The following AGBL3 variants were observed in gnomAD, a reference collection of about 807,000 sequenced individuals.
AGBL3 encodes the protein AGBL carboxypeptidase 3.
Under a neutral mutation model 94.5 loss-of-function variants are expected in AGBL3, and 68 were observed. The observed-to-expected ratio is 0.72, with a 90% CI of 0.59 to 0.88. The LOEUF (loss-of-function observed/expected upper bound fraction) is 0.88. Ranked by LOEUF, AGBL3 falls within the 40% of genes least tolerant of loss-of-function variation. The pLI is 0.00. For synonymous variants in AGBL3, 354 were observed against 370.7 expected, an observed-to-expected ratio of 0.95 and a Z score of 0.52; for missense variants, 934 against 1,103.8, an observed-to-expected ratio of 0.85 and a Z score of 2.18.
chr7:135,038,732 C>T (rs10225105), intron 8 of AGBL3, among the ~76,000 whole-genome samples: 1,812 of 152,188 alleles, frequency 0.012, 41 homozygotes, highest in African/African-American at 0.04. Context: ...GAGCCCGAGG[C>T]GGGTGGATCA....
chr7:135,056,005 T>A (rs1818317505), intron 11 of AGBL3, among the ~76,000 whole-genome samples: 1 of 152,132 alleles, frequency 6.6e-6, no homozygotes, highest in Admixed American at 6.6e-5. Flanking sequence ...ACTGTGTCTT[T>A]CAAGAAGCTG....
intron 12 of AGBL3, among the ~76,000 whole-genome samples, chr7:135,068,877 A>G (rs541406836): frequency 6.6e-6 from 1 of 152,212 alleles, no homozygotes; most frequent in African/African-American, 2.4e-5. Flanking sequence ...AAATTCACAC[A>G]TAACAATATT....
intron 16 of AGBL3, among the ~76,000 whole-genome samples, chr7:135,124,625 T>TA (rs1409141350): frequency 6.6e-6 from 1 of 152,210 alleles, no homozygotes; most frequent in Non-Finnish European, 1.5e-5. Flanking sequence ...GCACTTATTC[T>TA]AAAACTGACC....
intron 15 of AGBL3, chr7:135,101,100 G>A: frequency 4.5e-6 from 2 of 448,312 alleles, no homozygotes; most frequent in South Asian, 3.2e-5. Context: ...ATGACTCAGA[G>A]TCATAGCAAA....
At chr7:135,025,181 A>C (rs78877958) in intron 5 of AGBL3, among the ~76,000 whole-genome samples, 3,865 of 151,672 alleles carry the variant, frequency 0.025, 86 homozygotes, top group Non-Finnish European at 0.037. Context: ...CAGAATCATC[A>C]AAGTCAACAT....
intron 4 of AGBL3, among the ~76,000 whole-genome samples, chr7:135,006,781 A>G (rs1325848752): frequency 6.6e-6 from 1 of 151,958 alleles, no homozygotes; most frequent in Non-Finnish European, 1.5e-5. Context: ...ACTGTCTGCT[A>G]TAGTTGCAAA....
intron 3 of AGBL3, among the ~76,000 whole-genome samples, chr7:134,990,158 A>G (rs1177223131): frequency 6.6e-6 from 1 of 152,188 alleles, no homozygotes; most frequent in Non-Finnish European, 1.5e-5. Context: ...CATTTATACT[A>G]ATCCCTTTAT....
intron 4 of AGBL3, among the ~76,000 whole-genome samples, chr7:135,004,785 A>G (rs187154959): frequency 2.4e-4 from 36 of 151,038 alleles, no homozygotes; most frequent in Admixed American, 5.3e-4. Flanking sequence ...TTGCATTCTT[A>G]TTTTTCTCCC....
At chr7:135,029,283 T>C (rs1395615935) in intron 5 of AGBL3, among the ~76,000 whole-genome samples, 4 of 152,212 alleles carry the variant, frequency 2.6e-5, no homozygotes, top group Admixed American at 6.5e-5. Context: ...CTTCTTCCAA[T>C]AGAAGGCTGA....
chr7:135,044,190 TAA>T (rs1817133859), intron 9 of AGBL3, 39 bp downstream of exon 9: 1 of 1,527,568 alleles, frequency 6.5e-7, no homozygotes. Flanking sequence ...CTCAAAGCTT[TAA>T]ACCAAACATG....
intron 5 of AGBL3, among the ~76,000 whole-genome samples, chr7:135,018,427 A>G (rs916609071): frequency 1.3e-5 from 2 of 152,220 alleles, no homozygotes; most frequent in East Asian, 3.8e-4. Context: ...AATACAGATC[A>G]GCCTCTTTGG....
At chr7:135,042,761 A>C (rs1434090345) in intron 8 of AGBL3, among the ~76,000 whole-genome samples, 1 of 152,078 alleles carries the variant, frequency 6.6e-6, no homozygotes, top group African/African-American at 2.4e-5. Context: ...AAAATACAAA[A>C]ATAGCTACGT....
At chr7:135,051,227 T>C (rs1817846441) in intron 11 of AGBL3, 2 of 206,362 alleles carry the variant, frequency 9.7e-6, no homozygotes, top group Admixed American at 6.3e-5. Flanking sequence ...TTTTTCAGTC[T>C]TGAGTTAGTG....
chr7:135,054,709 T>C (rs1818184777), intron 11 of AGBL3, among the ~76,000 whole-genome samples: 1 of 152,228 alleles, frequency 6.6e-6, no homozygotes, highest in African/African-American at 2.4e-5. Flanking sequence ...TATGTGTGTA[T>C]ACACATTACT....
chr7:135,004,548 A>G (rs904684500), intron 4 of AGBL3, among the ~76,000 whole-genome samples: 2 of 151,694 alleles, frequency 1.3e-5, no homozygotes, highest in African/African-American at 4.8e-5. Context: ...AGAGAGACAG[A>G]GAATATTGTT....
rs779491777 is a variant in AGBL3 at position 135,059,185 on chromosome 7, AG to A, written c.1859del (p.Ser620IlefsTer8). On this transcript the variant is annotated frameshift_variant, in exon 12 of 17. Transcript: ENST00000436302. LOFTEE classifies it high-confidence loss of function. ...TTTTTGTAGTAGCCGAGGCTCTGAC[AG>A]TTCAGAATCCATTGACTCTCTGACT... ...DVESSSRGSD[S>X]SESIDSLTYL... The A allele has an allele frequency of 9.8e-5, 152 of 1,550,990 alleles. No homozygotes were observed. The highest frequency in any genetic ancestry group is 1.2e-4 in the Non-Finnish European group (134 of 1,146,696).
intron 15 of AGBL3, among the ~76,000 whole-genome samples, chr7:135,104,247 T>G (rs1221929464): frequency 1.3e-5 from 2 of 152,200 alleles, no homozygotes; most frequent in Non-Finnish European, 2.9e-5. Flanking sequence ...GGACATGATC[T>G]CATTATTTTC....
intron 12 of AGBL3, among the ~76,000 whole-genome samples, chr7:135,067,073 C>T (rs1443419164): frequency 3.3e-5 from 5 of 152,212 alleles, no homozygotes; most frequent in African/African-American, 1.2e-4. Flanking sequence ...TAGCAAACAG[C>T]ACACCAGGAG....
intron 16 of AGBL3, chr7:135,128,844 T>C: frequency 8.3e-7 from 1 of 1,200,466 alleles, no homozygotes; most frequent in Non-Finnish European, 1.2e-6. Flanking sequence ...GGATGTGGAA[T>C]CATTGTTAAA....
Sources: gnomAD v4.1 joint callset for allele counts (sites outside exome capture counted in the v4.1 genomes callset) on GRCh38, gnomAD v4.1.1 for gene constraint, MANE v1.5 for transcripts, NCBI Gene and HGNC (gene_info 2026-07-23, HGNC 2026-07-21) for gene names.